The following PPFIBP2 variants were observed in gnomAD, a reference collection of about 807,000 sequenced individuals.
The protein encoded by PPFIBP2 is liprin-beta-2.
Under a neutral mutation model 118.3 loss-of-function variants are expected in PPFIBP2, and 118 were observed. That is an observed-to-expected ratio of 1.00 (90% CI 0.86 to 1.16). PPFIBP2 has a LOEUF of 1.16. Ranked by LOEUF, PPFIBP2 falls within the 50% of genes most tolerant of loss-of-function variation. The pLI is 0.00. For missense variants in PPFIBP2, 1,195 were observed against 1,073.1 expected (o/e 1.11, Z -1.59); for synonymous variants, 414 against 397.4 (o/e 1.04, Z -0.50).
chr11:7,655,439 C>A (rs758944970), downstream of PPFIBP2: 5 of 1,289,770 alleles, frequency 3.9e-6, no homozygotes, highest in Non-Finnish European at 5.1e-6. Context: ...ACAGATGGCA[C>A]CTTCGGAAGG....
chr11:7,664,215 AATAGGTTCC>A, the PPFIBP2 span, among the ~76,000 whole-genome samples: 12 of 152,344 alleles, frequency 7.9e-5, no homozygotes, highest in East Asian at 2.1e-3. Context: ...AAGGAGTCTG[AATAGGTTCC>A]ATGGAAGAGA....
In PPFIBP2 at chr11:7,653,091, A is replaced by G. The variant is rs1412715157; in HGVS notation, c.2504A>G (p.Tyr835Cys). Residue 835 changes from tyrosine (Y) to cysteine (C), a missense_variant, in exon 24 of 24, where the codon TAC (tyrosine) becomes TGC (cysteine). By Grantham distance (194) the Tyr-to-Cys change is radical. Transcript: ENST00000299492. Reference protein sequence around the residue: ...RKKKFDESTDYICPMEPSDGV... With the variant: ...RKKKFDESTDCICPMEPSDGV... ...AAGAAGTTCGATGAATCGACGGACT[A>G]CATTTGCCCAATGGAGCCCAGTGAC... is the stretch of plus-strand genomic sequence containing the variant. 6 of 1,614,118 alleles carry G rather than the reference A, an allele frequency of 3.7e-6. No homozygotes were observed. Among genetic ancestry groups the G allele is most frequent in the South Asian group, 2.2e-5 (2 of 91,088 alleles).
intron 5 of PPFIBP2, among the ~76,000 whole-genome samples, chr11:7,609,182 C>T (rs1007407520): frequency 3.9e-5 from 6 of 152,178 alleles, no homozygotes; most frequent in South Asian, 2.1e-4. Context: ...AATCTGAGGA[C>T]GGTTCCAAAT....
intron 1 of PPFIBP2, among the ~76,000 whole-genome samples, chr11:7,526,996 G>T (rs1278432663): frequency 6.6e-6 from 1 of 151,860 alleles, no homozygotes; most frequent in Non-Finnish European, 1.5e-5. Context: ...AGGGTATGTG[G>T]TGTGAGACAG....
chr11:7,518,044 G>A (rs966403027), intron 1 of PPFIBP2, among the ~76,000 whole-genome samples: 2 of 152,246 alleles, frequency 1.3e-5, no homozygotes, highest in Middle Eastern at 3.2e-3. Context: ...TTGCTAGGAG[G>A]CTTCTGTGTG....
chr11:7,555,285 T>G lies in PPFIBP2; in HGVS notation c.64+5746T>G, dbSNP rs142240503. 2.5e-3 allele frequency among the ~76,000 whole-genome samples: 377 copies of G among 152,262 alleles called. 1 individual carries two copies. Among genetic ancestry groups the G allele is most frequent in the African/African-American group, 7.7e-3 (320 of 41,542 alleles). ...ACAAGCAGTACTCACTGAGGAGGAA[T>G]AGTTAAGAGGAGTCTGTTTTATGAC... On this transcript the variant is annotated intron_variant, in intron 2 of 23. Coordinates refer to ENST00000299492, the MANE Select transcript of PPFIBP2 (RefSeq NM_003621.5).
Position 7,626,015 on chromosome 11 carries a change from A to T in PPFIBP2, c.826+124A>T, listed in dbSNP as rs73396608. The T allele has an allele frequency of 4.8e-3, 3,785 of 784,760 alleles. 106 individuals carry two copies. In the African/African-American group the frequency reaches 0.059, roughly 12 times the overall value. 48.6% of individuals were successfully genotyped at this position (784,760 alleles called of 1,614,324 possible). Reference sequence around the variant, plus strand: ...TGTGTGTGTAGCCATGCTAATGGACATGCATGTATGTGTGCAAGCGTGGCC... The same window carrying T: ...TGTGTGTGTAGCCATGCTAATGGACTTGCATGTATGTGTGCAAGCGTGGCC... On this transcript the variant is annotated intron_variant, in intron 8 of 23. Coordinates refer to ENST00000299492, the MANE Select transcript of PPFIBP2 (RefSeq NM_003621.5).
At chr11:7,662,447 C>G in the PPFIBP2 span, among the ~76,000 whole-genome samples, 2 of 151,892 alleles carry the variant, frequency 1.3e-5, no homozygotes, top group Non-Finnish European at 2.9e-5. Context: ...GTTGAAAATT[C>G]TTTTCTTTAA....
chr11:7,651,114 G>C (rs1303030963), intron 22 of PPFIBP2, 149 bp downstream of exon 22: 7 of 825,152 alleles, frequency 8.5e-6, no homozygotes, highest in Non-Finnish European at 1.3e-5. Flanking sequence ...AAAGTATTTT[G>C]ATAACTTGTC....
chr11:7,554,729 T>G (rs191083843), intron 2 of PPFIBP2, among the ~76,000 whole-genome samples: 96 of 152,174 alleles, frequency 6.3e-4, no homozygotes, highest in African/African-American at 2.3e-3. Flanking sequence ...GCAGGACTAT[T>G]AAATGAAACT....
rs1848620910 is a variant in PPFIBP2 at position 7,616,167 on chromosome 11, C to G, written c.619-4768C>G. On this transcript the variant is annotated intron_variant, in intron 6 of 23. Coordinates refer to ENST00000299492, the MANE Select transcript of PPFIBP2 (RefSeq NM_003621.5). This position sits in a 1 kb window ranked among gnomAD's most constrained non-coding sequence, Gnocchi z 5.2. The stretch of plus-strand genomic sequence containing the variant: ...ACACACGCACACACAAACACCCACA[C>G]ACAGTTATGTTCTTAAAAAGAAAAA... Among the ~76,000 whole-genome samples the G allele has an allele frequency of 6.6e-6, 1 of 152,070 alleles. No individual in the cohort carries two copies. The highest frequency in any genetic ancestry group is 1.5e-5 in the Non-Finnish European group (1 of 68,024).
intron 6 of PPFIBP2, among the ~76,000 whole-genome samples, chr11:7,618,251 G>T (rs888167721): frequency 6.6e-6 from 1 of 152,220 alleles, no homozygotes; most frequent in Non-Finnish European, 1.5e-5. Flanking sequence ...GAAGCCTTGA[G>T]AGGGTGTTGG....
chr11:7,648,614 C>T (rs1373788504), intron 18 of PPFIBP2, 77 bp downstream of exon 18: 35 of 1,556,722 alleles, frequency 2.2e-5, no homozygotes, highest in Non-Finnish European at 3.1e-5. Context: ...CCACTCCTGT[C>T]ACACATACAC....
chr11:7,535,797 T>G (rs908822117), intron 1 of PPFIBP2, among the ~76,000 whole-genome samples: 1 of 152,118 alleles, frequency 6.6e-6, no homozygotes, highest in African/African-American at 2.4e-5. Context: ...GAACACAGTC[T>G]GGGCAGTAGG....
rs146016156 is a variant in PPFIBP2 at position 7,570,029 on chromosome 11, C to A, written c.279+4262C>A. Among the ~76,000 whole-genome samples the A allele has an allele frequency of 5.5e-3, 835 of 152,290 alleles. 8 individuals carry two copies. Among genetic ancestry groups the A allele is most frequent in the African/African-American group, 0.019 (797 of 41,562 alleles). On this transcript the variant is annotated intron_variant, in intron 3 of 23. Transcript: ENST00000299492. ...TCATCAGTGGCCCTGGCATGTGGTA[C>A]CTGGCCCAGGCAAGAAGGACCCGGT...
At chr11:7,650,051 A>G (rs1372077339) in intron 21 of PPFIBP2, among the ~76,000 whole-genome samples, 2 of 152,244 alleles carry the variant, frequency 1.3e-5, no homozygotes, top group Non-Finnish European at 2.9e-5. Context: ...AGGTATCCCT[A>G]CTTGTAGATC....
intron 17 of PPFIBP2, 120 bp from the exon 18 acceptor site, chr11:7,648,266 GT>G: frequency 1.7e-6 from 2 of 1,163,152 alleles, no homozygotes; most frequent in Non-Finnish European, 2.4e-6. Context: ...GAGGTTGTTT[GT>G]TAAAAAACAG....
At chr11:7,526,873 G>A (rs756359981) in intron 1 of PPFIBP2, among the ~76,000 whole-genome samples, 1 of 152,086 alleles carries the variant, frequency 6.6e-6, no homozygotes, top group Admixed American at 6.5e-5. Context: ...TGACTGGACT[G>A]TGTATATTCT....
intron 3 of PPFIBP2, among the ~76,000 whole-genome samples, chr11:7,576,252 C>T (rs752547095): frequency 2.0e-5 from 3 of 152,262 alleles, no homozygotes; most frequent in East Asian, 1.9e-4. Flanking sequence ...CAGCAGAGCT[C>T]GGGGCCTTGC....
Sources: allele counts gnomAD v4.1 joint callset (sites outside exome capture counted in the v4.1 genomes callset), GRCh38; gene constraint gnomAD v4.1.1; non-coding constraint Gnocchi (gnomAD v3.1); transcripts MANE v1.5; gene names NCBI Gene and HGNC (gene_info 2026-07-23, HGNC 2026-07-21).